FAT3: variants seen among roughly 807,000 people sequenced by gnomAD.
FAT3 encodes FAT atypical cadherin 3.
A neutral mutation model predicts 310.2 loss-of-function variants in FAT3; 95 were observed. That is an observed-to-expected ratio of 0.31 (90% confidence interval 0.26 to 0.36). FAT3 has a LOEUF of 0.36. Among genes scored for constraint, FAT3 ranks in the 10% least tolerant of loss-of-function variants. FAT3 has a pLI of 1.00. For synonymous variants in FAT3, 2,314 were observed against 2,192.9 expected (o/e 1.06, Z -1.54); for missense variants, 5,408 against 5,715.6 (o/e 0.95, Z 1.74).
chr11:92,718,623 T>G (rs1944762045), intron 4 of FAT3, among the ~76,000 whole-genome samples: 1 of 152,156 alleles, frequency 6.6e-6, no homozygotes, highest in Non-Finnish European at 1.5e-5. Context: ...TTAAAAATAT[T>G]TATTCTTTAT....
At chr11:92,608,287 A>G (rs533646630) in intron 3 of FAT3, among the ~76,000 whole-genome samples, 1 of 152,278 alleles carries the variant, frequency 6.6e-6, no homozygotes, top group East Asian at 1.9e-4. Context: ...TATTACACAC[A>G]TGAGTTCTGA....
rs572692444 is a variant in FAT3, at chr11:92,503,468, A to G, written c.3293-21166A>G. 3.3e-5 allele frequency among the ~76,000 whole-genome samples: 5 copies of G among 152,210 alleles called. No homozygotes were observed. In the East Asian group the frequency reaches 9.7e-4, roughly 29 times the overall value. On this transcript the variant is annotated intron_variant, in intron 2 of 27. Transcript: ENST00000525166. Reference sequence around the variant, plus strand: ...TATTCTTTAAGTCTGAAGCAACTTTATGAGATAGTATTCCTATTTTATAGG... The same window carrying G: ...TATTCTTTAAGTCTGAAGCAACTTTGTGAGATAGTATTCCTATTTTATAGG...
chr11:92,486,130 G>GTTTTTTTTTT (rs71064714), intron 2 of FAT3, among the ~76,000 whole-genome samples: 689 of 37,110 alleles, frequency 0.019, 80 homozygotes, highest in South Asian at 0.033. Flanking sequence ...GGCTGCTGGG[G>GTTTTTTTTTT]TTTTTTTTTT....
chr11:92,608,720 C>CAATAATAAT (rs9299904), intron 3 of FAT3, among the ~76,000 whole-genome samples: 3,138 of 145,164 alleles, frequency 0.022, 105 homozygotes, highest in African/African-American at 0.074. Flanking sequence ...CTGAATTCAG[C>CAATAATAAT]AATAATAATA....
chr11:92,818,039 G>A (rs147087791), intron 13 of FAT3, among the ~76,000 whole-genome samples: 2,693 of 152,192 alleles, frequency 0.018, 34 homozygotes, highest in Non-Finnish European at 0.024. Context: ...AGGAAGTGTT[G>A]CTCAAACCAA....
At chr11:92,340,223 G>A (rs180988893) in intron 1 of FAT3, among the ~76,000 whole-genome samples, 3 of 152,038 alleles carry the variant, frequency 2.0e-5, no homozygotes, top group Non-Finnish European at 2.9e-5. Flanking sequence ...AGGCATTGAA[G>A]TGTTTCTGCA....
intron 21 of FAT3, among the ~76,000 whole-genome samples, chr11:92,865,328 C>T (rs985860841): frequency 3.3e-5 from 5 of 152,236 alleles, no homozygotes; most frequent in South Asian, 4.1e-4. Context: ...GAGTTAAACA[C>T]GTTTCACAAG....
chr11:92,553,875 G>A (rs1029825493), intron 3 of FAT3, among the ~76,000 whole-genome samples: 7 of 150,824 alleles, frequency 4.6e-5, no homozygotes, highest in Non-Finnish European at 7.4e-5. Context: ...GTGCAATTTC[G>A]GCTCACTGCA....
rs2136351165 is a variant in FAT3, at chr11:92,867,060, A to T, written c.11978A>T (p.Asn3993Ile). 1 of 1,589,464 alleles carries T rather than the reference A, an allele frequency of 6.3e-7. No individual in the cohort carries two copies. The highest frequency in any genetic ancestry group is 2.3e-5 in the East Asian group (1 of 43,718). Reference protein sequence around the residue: ...QGCLDSVILNNNELPLQNKRS... With the variant: ...QGCLDSVILNINELPLQNKRS... ...TGCCTGGACTCGGTGATACTGAATA[A>T]CAATGAGCTGCCGCTGCAGAACAAG... is the stretch of plus-strand genomic sequence containing the variant. The change falls in exon 22 of 28, where the codon AAC becomes ATC. Residue 3993 changes from asparagine (N) to isoleucine (I), a missense_variant. Asn to Ile is a moderately radical substitution (Grantham distance 149). Transcript: ENST00000525166.
chr11:92,331,001 TGTGAGAGAGAGAGAGA>T (rs1241947690), intron 1 of FAT3, among the ~76,000 whole-genome samples: 31 of 117,752 alleles, frequency 2.6e-4, no homozygotes, highest in Non-Finnish European at 3.8e-4. Flanking sequence ...TGTGTGTGTG[TGTGAGAGAGAGAGAGA>T]GAGAAACATT....
At chr11:92,491,304 G>A (rs1952591855) in intron 2 of FAT3, among the ~76,000 whole-genome samples, 1 of 151,962 alleles carries the variant, frequency 6.6e-6, no homozygotes, top group South Asian at 2.1e-4. Context: ...AACTGGCCAG[G>A]TACTATGGGT....
At chr11:92,530,458 T>G (rs139406729) in intron 3 of FAT3, among the ~76,000 whole-genome samples, 394 of 152,196 alleles carry the variant, frequency 2.6e-3, no homozygotes, top group Middle Eastern at 6.8e-3. Flanking sequence ...GTTAATTCAG[T>G]CACCCACTCC....
In FAT3 at chr11:92,850,919, G is replaced by T. The variant is rs139177626; in HGVS notation, c.11365+6187G>T. Among the ~76,000 whole-genome samples the T allele has an allele frequency of 2.0e-5, 3 of 152,280 alleles. No homozygotes were observed. In the East Asian group the frequency reaches 5.8e-4, roughly 29 times the overall value. On this transcript the variant is annotated intron_variant, in intron 19 of 27. Transcript: ENST00000525166. ...TTTGATGCTTCTGCTGAAGTGAATT[G>T]CCTGTTGTCACCTCTACAGAAAGTG...
intron 2 of FAT3, among the ~76,000 whole-genome samples, chr11:92,418,354 T>G (rs1950459802): frequency 6.6e-6 from 1 of 151,552 alleles, no homozygotes; most frequent in African/African-American, 2.4e-5. Context: ...AAAAAAATAC[T>G]TTAAAAAATT....
At chr11:92,632,173 T>C (rs1271285581) in intron 3 of FAT3, among the ~76,000 whole-genome samples, 1 of 152,242 alleles carries the variant, frequency 6.6e-6, no homozygotes, top group Non-Finnish European at 1.5e-5. Flanking sequence ...ACTTGTGGGA[T>C]AGTTTGCTGC....
chr11:92,883,447 G>T lies in FAT3; in HGVS notation c.12937+54G>T, dbSNP rs1360629506. 1.3e-6 allele frequency: 2 copies of T among 1,549,420 alleles called. No individual in the cohort carries two copies. Among genetic ancestry groups the T allele is most frequent in the Non-Finnish European group, 1.7e-6 (2 of 1,145,918 alleles). On this transcript the variant is annotated intron_variant, in intron 24 of 27. Coordinates refer to ENST00000525166, the MANE Select transcript of FAT3 (RefSeq NM_001367949.2). This position sits in a 1 kb window ranked among gnomAD's most constrained non-coding sequence, Gnocchi z 4.2. ...TCGGTGCTTACAGGGAACCTGCAGG[G>T]GCGCTGTGCGAGGACGCTACGGGAA...
chr11:92,670,674 G>T (rs1943100168), intron 3 of FAT3, among the ~76,000 whole-genome samples: 1 of 152,186 alleles, frequency 6.6e-6, no homozygotes, highest in Non-Finnish European at 1.5e-5. Context: ...CAGAGTGGAA[G>T]CTAGATTATT....
rs76489610 is a variant in FAT3, at chr11:92,705,115, G to A, written c.3669+7670G>A. ...ATTCTTCTCAGTGAGTGTTGCCAGC[G>A]TACCTTTCTCAGAAATCCCAGTGTT... On this transcript the variant is annotated intron_variant, in intron 4 of 27. Transcript: ENST00000525166. 4.4e-3 allele frequency among the ~76,000 whole-genome samples: 664 copies of A among 152,214 alleles called. 6 individuals carry two copies. Among genetic ancestry groups the A allele is most frequent in the African/African-American group, 0.015 (633 of 41,546 alleles).
intron 2 of FAT3, among the ~76,000 whole-genome samples, chr11:92,460,894 A>G (rs1024908492): frequency 1.3e-5 from 2 of 152,196 alleles, no homozygotes; most frequent in Non-Finnish European, 1.5e-5. Context: ...ATGAACCATC[A>G]CCACTGCACT....
Sources: gnomAD v4.1 joint callset for allele counts (sites outside exome capture counted in the v4.1 genomes callset) on GRCh38, gnomAD v4.1.1 for gene constraint, Gnocchi (gnomAD v3.1) non-coding constraint, MANE v1.5 for transcripts, NCBI Gene and HGNC (gene_info 2026-07-23, HGNC 2026-07-21) for gene names.